PP2D1: variants seen among roughly 807,000 people sequenced by gnomAD.
The protein encoded by PP2D1 is protein phosphatase 2C like domain containing 1.
In PP2D1, 25 loss-of-function variants were observed where a neutral mutation model predicts 30.2. That is an observed-to-expected ratio of 0.83 (90% CI 0.60 to 1.16). The LOEUF is 1.16. PP2D1 is among the 50% of genes most tolerant of loss of function. The pLI, the probability that PP2D1 is intolerant of heterozygous loss-of-function variation, is 0.00. For synonymous variants in PP2D1, 260 were observed against 258.9 expected (o/e 1.00, Z -0.04); for missense variants, 760 against 742.4 (o/e 1.02, Z -0.28).
chr3:20,011,657 G>A (rs574673436), intron 1 of PP2D1, among the ~76,000 whole-genome samples: 64 of 152,064 alleles, frequency 4.2e-4, no homozygotes, highest in Middle Eastern at 3.4e-3. Flanking sequence ...AAATTAGCCG[G>A]GCATGGTGGC....
At chr3:20,010,745 T>C (rs1697375141) in intron 1 of PP2D1, among the ~76,000 whole-genome samples, 1 of 151,950 alleles carries the variant, frequency 6.6e-6, no homozygotes, top group Non-Finnish European at 1.5e-5. Flanking sequence ...GAGGTTGCGG[T>C]GAGCCAAGAT....
downstream of PP2D1, chr3:19,983,889 G>A: frequency 1.8e-6 from 2 of 1,090,192 alleles, no homozygotes; most frequent in South Asian, 2.8e-5. Flanking sequence ...TGGAATTGGA[G>A]CATTTAACCA....
chr3:20,000,730 A>G (rs1697239660), intron 2 of PP2D1, among the ~76,000 whole-genome samples: 1 of 152,250 alleles, frequency 6.6e-6, no homozygotes, highest in Non-Finnish European at 1.5e-5. Context: ...ATTTAAGCAT[A>G]TGTAGTAACT....
intron 2 of PP2D1, among the ~76,000 whole-genome samples, chr3:19,996,324 A>G (rs1368577035): frequency 1.3e-5 from 2 of 152,168 alleles, no homozygotes; most frequent in African/African-American, 4.8e-5. Context: ...CTAACAAATT[A>G]GAAAACCTAG....
chr3:20,006,978 CAT>C (rs947939853), intron 1 of PP2D1, among the ~76,000 whole-genome samples: 2 of 145,576 alleles, frequency 1.4e-5, no homozygotes, highest in Non-Finnish European at 3.0e-5. Flanking sequence ...TATATACACA[CAT>C]ATATATGTAT....
chr3:19,995,992 T>G (rs749619826), intron 2 of PP2D1, among the ~76,000 whole-genome samples: 3 of 152,008 alleles, frequency 2.0e-5, no homozygotes, highest in Non-Finnish European at 2.9e-5. Context: ...AAATTTATAG[T>G]AATAAACTCC....
chr3:19,991,855 A>G (rs1697123591), intron 2 of PP2D1, among the ~76,000 whole-genome samples: 1 of 152,224 alleles, frequency 6.6e-6, no homozygotes, highest in Non-Finnish European at 1.5e-5. Context: ...ACCCATTTAT[A>G]AAAGAATTAT....
Position 20,001,048 on chromosome 3 carries a change from A to G in PP2D1, c.1072T>C (p.Leu358=). The G allele has an allele frequency of 1.4e-6, 2 of 1,397,840 alleles. No individual in the cohort carries two copies. Among genetic ancestry groups the G allele is most frequent in the Non-Finnish European group, 1.9e-6 (2 of 1,077,744 alleles). 86.6% of individuals were successfully genotyped at this position (1,397,840 alleles called of 1,614,324 possible). The change falls in exon 2 of 3, where the codon TTA becomes CTA. Residue 358 remains leucine, a synonymous_variant. Transcript: ENST00000389050. The part of the protein sequence containing the change: ...QEMPKIISGI[L]HVANTGNVQA... ...TACATACCAGTGTTTGCAACATGTA[A>G]TATTCCAGAAATTATTTTTGGCATC...
Position 19,999,581 on chromosome 3 carries a change from G to A in PP2D1, c.1090+1449C>T, listed in dbSNP as rs2365374. ...TTTTTGTATTTTTAGTAAAGACGGGGTTTCACTATGTTGGCCAGGCTGGTC... is the reference window on the plus strand; with the variant it reads ...TTTTTGTATTTTTAGTAAAGACGGGATTTCACTATGTTGGCCAGGCTGGTC... On this transcript the variant is annotated intron_variant, in intron 2 of 2. Coordinates refer to ENST00000389050, the MANE Select transcript of PP2D1 (RefSeq NM_001252657.2). Among the ~76,000 whole-genome samples, 519 of 149,868 alleles carry A rather than the reference G, an allele frequency of 3.5e-3. 5 individuals are homozygous for A. Among genetic ancestry groups the A allele is most frequent in the African/African-American group, 0.012 (496 of 40,834 alleles).
chr3:20,002,123 A>C (rs560640952), intron 1 of PP2D1, 27 bp from the exon 2 acceptor site: 19 of 1,438,286 alleles, frequency 1.3e-5, no homozygotes, highest in Non-Finnish European at 1.6e-5. Flanking sequence ...AGATATTTAC[A>C]TGCCAGGATG....
At position 20,002,123 on chromosome 3, in the gene PP2D1, A is replaced by T. The variant is rs560640952; in HGVS notation, c.24-27T>A. ...TGCAAACAGGATGAAAGATATTTAC[A>T]TGCCAGGATGATGCAGCGAAAATCT... On this transcript the variant is annotated intron_variant, in intron 1 of 2. Transcript: ENST00000389050. 5 of 1,438,286 alleles carry T rather than the reference A, an allele frequency of 3.5e-6. No individual in the cohort carries two copies. The African/African-American group carries it at 5.7e-5, about 16-fold the overall frequency. The allele number at this position is 1,438,286 out of a possible 1,614,324, so 89.1% of individuals were successfully genotyped here. A position where few individuals can be genotyped will look rare whatever the true frequency, so the allele number is the denominator to read the frequency against.
intron 2 of PP2D1, among the ~76,000 whole-genome samples, chr3:19,991,769 T>C (rs1342455648): frequency 1.3e-5 from 2 of 152,256 alleles, no homozygotes; most frequent in East Asian, 3.9e-4. Context: ...ACTTATTTAG[T>C]GTTCCAAGAA....
intron 2 of PP2D1, among the ~76,000 whole-genome samples, chr3:19,989,846 C>G (rs1697093647): frequency 6.6e-6 from 1 of 151,964 alleles, no homozygotes; most frequent in Admixed American, 6.6e-5. Flanking sequence ...AAGTCAAAGG[C>G]CATTTAGCAA....
downstream of PP2D1, chr3:19,983,669 G>A (rs997864990): frequency 4.6e-6 from 6 of 1,303,210 alleles, no homozygotes; most frequent in African/African-American, 8.9e-5. Context: ...ATTAATATGA[G>A]TATTCAAATA....
chr3:19,985,937 G>A lies in PP2D1; in HGVS notation c.1336C>T (p.Leu446=), dbSNP rs1029487954. 6 of 1,536,158 alleles carry A rather than the reference G, an allele frequency of 3.9e-6. No individual in the cohort carries two copies. The Admixed American group carries it at 7.8e-5, about 20-fold the overall frequency. Reference sequence around the variant, plus strand: ...GTAGCTACAATAAGGAATTGACATAGGTCATCTATAGGGACAGAAATAGTT... The same window carrying A: ...GTAGCTACAATAAGGAATTGACATAAGTCATCTATAGGGACAGAAATAGTT... ...PQTISVPIDD[L]CQFLIVATNG... The change falls in exon 3 of 3, where the codon CTA becomes TTA. Residue 446 remains leucine, a synonymous_variant. Coordinates refer to ENST00000389050, the MANE Select transcript of PP2D1 (RefSeq NM_001252657.2).
At chr3:19,983,641 T>TA, downstream of PP2D1, 2 of 1,040,022 alleles carry the variant, frequency 1.9e-6, no homozygotes, top group African/African-American at 3.2e-5. Flanking sequence ...AAATTATAGA[T>TA]AAGCAGGTGA....
chr3:20,001,458 A>G lies in PP2D1; in HGVS notation c.662T>C (p.Met221Thr), dbSNP rs1697251482. 2 of 1,536,410 alleles carry G rather than the reference A, an allele frequency of 1.3e-6. No homozygotes were observed. The highest frequency in any genetic ancestry group is 1.7e-6 in the Non-Finnish European group (2 of 1,146,994). ...ATGGAGAAGTAAAACTGGGAGTTCC[A>G]TTGATGTCAACTCTGCCGCTGAGGC... ...HGASAAELTS[M>T]ELPVLLLHQL... Residue 221 changes from methionine to threonine, a missense_variant, in exon 2 of 3, where the codon ATG becomes ACG. Physicochemically the swap from Met to Thr is moderately conservative, Grantham distance 81. Coordinates refer to ENST00000389050, the MANE Select transcript of PP2D1 (RefSeq NM_001252657.2).
chr3:20,004,005 A>C (rs1028676660), intron 1 of PP2D1, among the ~76,000 whole-genome samples: 1 of 152,150 alleles, frequency 6.6e-6, no homozygotes, highest in African/African-American at 2.4e-5. Context: ...GGTTAGTGTA[A>C]CCTAAGTGTA....
At chr3:20,009,847 C>G (rs1697364426) in intron 1 of PP2D1, among the ~76,000 whole-genome samples, 1 of 152,220 alleles carries the variant, frequency 6.6e-6, no homozygotes, top group East Asian at 1.9e-4. Flanking sequence ...GTATTGGATA[C>G]AGCTACTTAT....
Sources: gnomAD v4.1 joint callset for allele counts (sites outside exome capture counted in the v4.1 genomes callset) on GRCh38, gnomAD v4.1.1 for gene constraint, MANE v1.5 for transcripts, NCBI Gene and HGNC (gene_info 2026-07-23, HGNC 2026-07-21) for gene names.